Variants in CDC16 observed in about 807,000 individuals in gnomAD.
CDC16 encodes cell division cycle 16, also known as cell division cycle protein 16 homolog.
CDC16 carries 34 observed loss-of-function variants against 87.0 expected under a neutral mutation model. That is an observed-to-expected ratio of 0.39 (90% CI 0.30 to 0.52). CDC16 has a LOEUF of 0.52. Ranked by LOEUF, CDC16 falls within the 20% of genes least tolerant of loss-of-function variation. CDC16 has a pLI of 0.74. For synonymous variants in CDC16, 263 were observed against 260.6 expected, an observed-to-expected ratio of 1.01 and a Z score of -0.09; for missense variants, 653 against 751.9, an observed-to-expected ratio of 0.87 and a Z score of 1.54.
chr13:114,257,335 C>A (rs1440160830), intron 13 of CDC16, 105 bp downstream of exon 13: 2 of 682,296 alleles, frequency 2.9e-6, no homozygotes, highest in Non-Finnish European at 4.6e-6. Context: ...TAGATTTGTA[C>A]TTTTAAATGT....
At chr13:114,250,479 G>GA in intron 11 of CDC16, 70 bp from the exon 12 acceptor site, 1 of 1,423,822 alleles carries the variant, frequency 7.0e-7, no homozygotes, top group East Asian at 2.5e-5. Context: ...GCGACAAAGT[G>GA]AGACTTTGTC....
chr13:114,259,312 A>G (rs2082700176), intron 13 of CDC16, 23 bp from the exon 14 acceptor site: 1 of 1,555,644 alleles, frequency 6.4e-7, no homozygotes. Flanking sequence ...AATAATCTGC[A>G]ACCTTTTTTC....
chr13:114,246,964 A>T lies in CDC16; in HGVS notation c.931A>T (p.Met311Leu). Residue 311 changes from methionine to leucine, a missense_variant, in exon 11 of 18, where the codon ATG becomes TTG. Met to Leu is a conservative substitution (Grantham distance 15). Coordinates refer to ENST00000356221, the MANE Select transcript of CDC16 (RefSeq NM_001078645.3). ...SWFAVGCYYL[M>L]VGHKNEHARR... ...GTTTGCAGTGGGATGTTACTATCTC[A>T]TGGTCGGTCATAAAAATGAACATGC... 6.2e-7 allele frequency: 1 copy of T among 1,612,920 alleles called. No individual in the cohort carries two copies. Among genetic ancestry groups the T allele is most frequent in the Non-Finnish European group, 8.5e-7 (1 of 1,178,992 alleles).
In CDC16 at chr13:114,261,965, A is replaced by G; in HGVS notation, c.1376+17A>G. Reference sequence around the variant, plus strand: ...AAAACTTAAGTAAGTGAAGTAGAGCATTTTCAGAAATATACTTTGTGTCTC... The same window carrying G: ...AAAACTTAAGTAAGTGAAGTAGAGCGTTTTCAGAAATATACTTTGTGTCTC... On this transcript the variant is annotated intron_variant, in intron 15 of 17. Transcript: ENST00000356221. 6.7e-7 allele frequency: 1 copy of G among 1,502,276 alleles called. No individual in the cohort carries two copies. The highest frequency in any genetic ancestry group is 1.2e-5 in the South Asian group (1 of 84,980). The allele number at this position is 1,502,276 out of a possible 1,614,324, so 93.1% of individuals were successfully genotyped here.
intron 3 of CDC16, 140 bp from the exon 4 acceptor site, chr13:114,238,850 C>T: frequency 8.9e-7 from 1 of 1,121,490 alleles, no homozygotes; most frequent in Non-Finnish European, 1.2e-6. Context: ...TATGGTTTAA[C>T]AGGACTGGAT....
intron 17 of CDC16, among the ~76,000 whole-genome samples, chr13:114,269,976 G>A (rs549232737): frequency 1.9e-4 from 29 of 152,344 alleles, no homozygotes; most frequent in African/African-American, 6.0e-4. Flanking sequence ...AAAGTGCTGG[G>A]ATTATAGGCG....
At chr13:114,237,483 A>G (rs17337807) in intron 3 of CDC16, among the ~76,000 whole-genome samples, 3,712 of 152,052 alleles carry the variant, frequency 0.024, 156 homozygotes, top group African/African-American at 0.085. Flanking sequence ...GTAGAGACAG[A>G]GCCTCACTAT....
rs1265190639 is a variant in CDC16 at position 114,257,164 on chromosome 13, T to A, written c.1184T>A (p.Leu395Gln). 6.2e-7 allele frequency: 1 copy of A among 1,613,434 alleles called. No homozygotes were observed. The highest frequency in any genetic ancestry group is 8.5e-7 in the Non-Finnish European group (1 of 1,179,544). Reference protein sequence around the residue: ...KLAERFFSQALSIAPEDPFVM... With the variant: ...KLAERFFSQAQSIAPEDPFVM... ...GCTGAAAGGTTCTTCAGCCAAGCTCTGAGCATTGCACCGGAAGACCCTTTT... is the reference window on the plus strand; with the variant it reads ...GCTGAAAGGTTCTTCAGCCAAGCTCAGAGCATTGCACCGGAAGACCCTTTT... Residue 395 changes from leucine (L) to glutamine (Q), a missense_variant, in exon 13 of 18, where the codon CTG (leucine) becomes CAG (glutamine). Leu to Gln is a moderately radical substitution (Grantham distance 113). Transcript: ENST00000356221.
chr13:114,247,196 C>A, intron 11 of CDC16, 192 bp downstream of exon 11: 1 of 568,600 alleles, frequency 1.8e-6, no homozygotes, highest in Non-Finnish European at 3.1e-6. Flanking sequence ...TCCCCTCTCT[C>A]TCGAGGGTTC....
chr13:114,271,023 G>A (rs1254134175), intron 17 of CDC16, among the ~76,000 whole-genome samples: 7 of 141,800 alleles, frequency 4.9e-5, no homozygotes, highest in Admixed American at 2.3e-4. Flanking sequence ...CCAGGTTCAC[G>A]CCATTCTCCT....
At chr13:114,270,663 C>T (rs2083559936) in intron 17 of CDC16, among the ~76,000 whole-genome samples, 1 of 152,140 alleles carries the variant, frequency 6.6e-6, no homozygotes, top group Non-Finnish European at 1.5e-5. Flanking sequence ...CAGCCATGTG[C>T]TTAAGGGGAT....
chr13:114,234,990 TGCAGGC>T lies in CDC16; in HGVS notation c.-94_-89del. On this transcript the variant is annotated 5_prime_UTR_variant, in exon 1 of 18. Transcript: ENST00000356221. ...CGAGTCCTGGGGCGGCGGCGGCGGC[TGCAGGC>T]ACGGGCACGGGCACGGGGCGGGGTG... is the stretch of plus-strand genomic sequence containing the variant. The T allele has an allele frequency of 9.7e-7, 1 of 1,031,220 alleles. No homozygotes were observed. Among genetic ancestry groups the T allele is most frequent in the Non-Finnish European group, 1.2e-6 (1 of 804,354 alleles). The allele number at this position is 1,031,220 out of a possible 1,614,324, so 63.9% of individuals were successfully genotyped here. A position where few individuals can be genotyped will look rare whatever the true frequency, so the allele number is the denominator to read the frequency against.
chr13:114,246,091 C>A, intron 10 of CDC16, 42 bp downstream of exon 10: 1 of 887,638 alleles, frequency 1.1e-6, no homozygotes, highest in Admixed American at 3.0e-5. Flanking sequence ...TTTTTTTTAC[C>A]TGTACTTTAA....
At chr13:114,240,887 T>G (rs1594562730) in intron 5 of CDC16, among the ~76,000 whole-genome samples, 1 of 152,240 alleles carries the variant, frequency 6.6e-6, no homozygotes, top group Non-Finnish European at 1.5e-5. Flanking sequence ...TTATTTGCTA[T>G]GAAATGTGTG....
rs771945311 is a variant in CDC16, at chr13:114,272,324, C to T, written c.1744C>T (p.Pro582Ser). 1.2e-6 allele frequency: 2 copies of T among 1,614,186 alleles called. No individual in the cohort carries two copies. The highest frequency in any genetic ancestry group is 1.1e-5 in the South Asian group (1 of 91,090). The change falls in exon 18 of 18, where the codon CCA (proline) becomes TCA (serine). Residue 582 changes from proline to serine, a missense_variant. Physicochemically the swap from Pro to Ser is moderately conservative, Grantham distance 74. Coordinates refer to ENST00000356221, the MANE Select transcript of CDC16 (RefSeq NM_001078645.3). The part of the protein sequence containing the change: ...KQTAEETGLT[P>S]LETSRKTPDS... ...GACTGCAGAAGAAACGGGGCTTACG[C>T]CATTGGAAACCTCAAGGAAAACTCC... is the stretch of plus-strand genomic sequence containing the variant.
In CDC16 at chr13:114,259,403, T is replaced by A; in HGVS notation, c.1314+5T>A. The A allele has an allele frequency of 6.5e-7, 1 of 1,534,754 alleles. No homozygotes were observed. Among genetic ancestry groups the A allele is most frequent in the Non-Finnish European group, 8.8e-7 (1 of 1,140,998 alleles). ...ATTAAAGCAATTGGGAACGAGGTAT[T>A]CTTTGTAGTACCTGTAAATATACAC... is the stretch of plus-strand genomic sequence containing the variant. On this transcript the variant is annotated splice_donor_5th_base_variant and intron_variant, in intron 14 of 17. Coordinates refer to ENST00000356221, the MANE Select transcript of CDC16 (RefSeq NM_001078645.3).
chr13:114,243,444 C>A, intron 7 of CDC16, 96 bp downstream of exon 7: 1 of 617,854 alleles, frequency 1.6e-6, no homozygotes, highest in Non-Finnish European at 2.9e-6. Context: ...AAAATTAAAA[C>A]TTTTTAAATT....
chr13:114,238,971 AAATT>A lies in CDC16; in HGVS notation c.202-14_202-11del. ...ATATTATTTTGACCACTACTTAAAC[AAATT>A]AATTTCTTTCCTAGTTGTATGAAGC... On this transcript the variant is annotated splice_polypyrimidine_tract_variant and intron_variant, in intron 3 of 17. Transcript: ENST00000356221. 1 of 1,607,346 alleles carries A rather than the reference AAATT, an allele frequency of 6.2e-7. No homozygotes were observed. The highest frequency in any genetic ancestry group is 8.5e-7 in the Non-Finnish European group (1 of 1,175,484).
chr13:114,265,845 C>T (rs555701156), intron 17 of CDC16, among the ~76,000 whole-genome samples: 49 of 151,020 alleles, frequency 3.2e-4, no homozygotes, highest in African/African-American at 1.1e-3. Flanking sequence ...GATGGAGCTT[C>T]GCTCTTGTTG....
Sources: gnomAD v4.1 joint callset for allele counts (sites outside exome capture counted in the v4.1 genomes callset) on GRCh38, gnomAD v4.1.1 for gene constraint, MANE v1.5 for transcripts, NCBI Gene and HGNC (gene_info 2026-07-23, HGNC 2026-07-21) for gene names.